Variants in WDR33 observed in about 807,000 individuals in gnomAD.
WDR33 encodes the protein WD repeat domain 33.
A neutral mutation model predicts 164.9 loss-of-function variants in WDR33; 47 were observed. The ratio of observed to expected loss-of-function variants is 0.29; its 90% CI spans 0.23 to 0.36. The LOEUF (loss-of-function observed/expected upper bound fraction) is 0.36, where lower values mean the gene tolerates loss of function less well. Among genes scored for constraint, WDR33 ranks in the 10% least tolerant of loss-of-function variants. The pLI is 1.00. For synonymous variants in WDR33, 505 were observed against 589.0 expected, an observed-to-expected ratio of 0.86 and a Z score of 2.06; for missense variants, 1,137 against 1,754.1, an observed-to-expected ratio of 0.65 and a Z score of 6.28.
intron 7 of WDR33, among the ~76,000 whole-genome samples, chr2:127,739,389 C>T (rs184301922): frequency 1.1e-4 from 17 of 152,238 alleles, no homozygotes; most frequent in Middle Eastern, 3.4e-3. Context: ...GTAGCTTTGT[C>T]CAATAAAAGC....
rs953075967 is a variant in WDR33, at chr2:127,759,968, T to C, written c.724+3094A>G. On this transcript the variant is annotated intron_variant, in intron 7 of 21. Coordinates refer to ENST00000322313, the MANE Select transcript of WDR33 (RefSeq NM_018383.5). ...GTATGCTTAAAGCTGAAAAACTCAG[T>C]CAAGAAGACCCAACAGCTGTCTCTT... 2.0e-5 allele frequency among the ~76,000 whole-genome samples: 3 copies of C among 152,130 alleles called. 1 individual carries two copies. Among genetic ancestry groups the C allele is most frequent in the South Asian group, 4.1e-4 (2 of 4,834 alleles).
chr2:127,736,453 A>G, intron 7 of WDR33: 1 of 985,470 alleles, frequency 1.0e-6, no homozygotes, highest in Non-Finnish European at 1.2e-6. Flanking sequence ...TTTGAAATGT[A>G]TAGTGTCAGG....
At chr2:127,762,484 A>C (rs1474317822) in intron 7 of WDR33, 26 of 980,458 alleles carry the variant, frequency 2.7e-5, no homozygotes, top group Non-Finnish European at 2.9e-5. Context: ...GAGAATATGG[A>C]CTTCAGTTAC....
In WDR33 at chr2:127,706,216, GAGT is replaced by G; in HGVS notation, c.*104_*106del. On this transcript the variant is annotated 3_prime_UTR_variant, in exon 22 of 22. Coordinates refer to ENST00000322313, the MANE Select transcript of WDR33 (RefSeq NM_018383.5). This position sits in a 1 kb window ranked among gnomAD's most constrained non-coding sequence, Gnocchi z 5.1. ...TCCTGGGATTCAGGTGCCCAGAAAA[GAGT>G]TCAGGGCTACAATGGTGCAGGCTTC... 9.6e-7 allele frequency: 1 copy of G among 1,037,528 alleles called. No individual in the cohort carries two copies. Among genetic ancestry groups the G allele is most frequent in the Non-Finnish European group, 1.3e-6 (1 of 751,008 alleles). The allele number at this position is 1,037,528 out of a possible 1,614,324, so 64.3% of individuals were successfully genotyped here. A position where few individuals can be genotyped will look rare whatever the true frequency, so the allele number is the denominator to read the frequency against.
chr2:127,709,164 G>T lies in WDR33; in HGVS notation c.3566-272C>A, dbSNP rs893944634. Among the ~76,000 whole-genome samples the T allele has an allele frequency of 1.3e-5, 2 of 152,222 alleles. No individual in the cohort carries two copies. The highest frequency in any genetic ancestry group is 2.9e-5 in the Non-Finnish European group (2 of 68,034). On this transcript the variant is annotated intron_variant, in intron 20 of 21. Transcript: ENST00000322313. This position sits in a 1 kb window ranked among gnomAD's most constrained non-coding sequence, Gnocchi z 5.0. Reference sequence around the variant, plus strand: ...AGGACTCCTAAGAGATTTTGTTAATGAGAGTTGTAACTGCGAATATTTACC... The same window carrying T: ...AGGACTCCTAAGAGATTTTGTTAATTAGAGTTGTAACTGCGAATATTTACC...
chr2:127,749,284 T>A (rs1319929587), intron 7 of WDR33, among the ~76,000 whole-genome samples: 1 of 152,208 alleles, frequency 6.6e-6, no homozygotes, highest in African/African-American at 2.4e-5. Context: ...CAGTGAGTTG[T>A]GATCGTGCCA....
In WDR33 at chr2:127,764,183, T is replaced by G. The variant is rs1047649067; in HGVS notation, c.626+645A>C. ...ACAACTCACTGAAAATATTTTAAAC[T>G]CCACTTATTGTATACATTTGCATAA... is the stretch of plus-strand genomic sequence containing the variant. On this transcript the variant is annotated intron_variant, in intron 6 of 21. Transcript: ENST00000322313. The surrounding 1 kb of genome is among the most constrained non-coding windows in gnomAD (Gnocchi z 6.2). 24 of 1,028,756 alleles carry G rather than the reference T, an allele frequency of 2.3e-5. No homozygotes were observed. The highest frequency in any genetic ancestry group is 2.8e-5 in the Non-Finnish European group (24 of 858,778). 63.7% of individuals were successfully genotyped at this position (1,028,756 alleles called of 1,614,324 possible).
chr2:127,763,222 T>G lies in WDR33; in HGVS notation c.627-63A>C. ...GCATTTAACAGATAATCTGTGCTTC[T>G]CAGACAGGGAAAAATAAAAACACTG... On this transcript the variant is annotated intron_variant, in intron 6 of 21. Coordinates refer to ENST00000322313, the MANE Select transcript of WDR33 (RefSeq NM_018383.5). This position sits in a 1 kb window ranked among gnomAD's most constrained non-coding sequence, Gnocchi z 4.5. 6.2e-7 allele frequency: 1 copy of G among 1,611,274 alleles called. No homozygotes were observed. Among genetic ancestry groups the G allele is most frequent in the Admixed American group, 1.7e-5 (1 of 59,788 alleles).
Position 127,706,492 on chromosome 2 carries a change from T to TTC in WDR33, c.3841_3842insGA (p.Asp1281GlyfsTer40). ...GTGGTATCCATCGTGGTGCTCTCCGTCTAAGGAGCTGGAACGCCCAGATTT... is the reference window on the plus strand; with the variant it reads ...GTGGTATCCATCGTGGTGCTCTCCGTTCCTAAGGAGCTGGAACGCCCAGATTT... On this transcript the variant is annotated frameshift_variant, in exon 22 of 22. Coordinates refer to ENST00000322313, the MANE Select transcript of WDR33 (RefSeq NM_018383.5). LOFTEE classifies it high-confidence loss of function. The surrounding 1 kb of genome is among the most constrained non-coding windows in gnomAD (Gnocchi z 5.1). The TTC allele has an allele frequency of 6.2e-7, 1 of 1,613,222 alleles. No homozygotes were observed. Among genetic ancestry groups the TTC allele is most frequent in the Non-Finnish European group, 8.5e-7 (1 of 1,179,616 alleles).
chr2:127,724,793 G>C lies in WDR33; in HGVS notation c.1085+94C>G. 2 of 1,373,424 alleles carry C rather than the reference G, an allele frequency of 1.5e-6. No individual in the cohort carries two copies. Among genetic ancestry groups the C allele is most frequent in the South Asian group, 2.4e-5 (2 of 84,614 alleles). 85.1% of individuals were successfully genotyped at this position (1,373,424 alleles called of 1,614,324 possible). ...AAGCAGTCTCTGATATAGGATATAT[G>C]AACACTTAGAAAAGCTACAAAACTA... On this transcript the variant is annotated intron_variant, in intron 10 of 21. Transcript: ENST00000322313. This position sits in a 1 kb window ranked among gnomAD's most constrained non-coding sequence, Gnocchi z 4.8.
intron 7 of WDR33, among the ~76,000 whole-genome samples, chr2:127,743,632 G>A (rs150717953): frequency 3.3e-4 from 50 of 152,258 alleles, no homozygotes; most frequent in Non-Finnish European, 5.1e-4. Context: ...GAAGACAAAC[G>A]GCAGAAGTGG....
chr2:127,737,364 T>C (rs1686876328), intron 7 of WDR33: 3 of 985,222 alleles, frequency 3.0e-6, no homozygotes, highest in East Asian at 1.1e-4. Flanking sequence ...TGTGTACATA[T>C]GTGTGTGTGT....
At position 127,709,930 on chromosome 2, in the gene WDR33, A is replaced by G; in HGVS notation, c.3309-74T>C. The G allele has an allele frequency of 6.5e-7, 1 of 1,528,918 alleles. No individual in the cohort carries two copies. Among genetic ancestry groups the G allele is most frequent in the Non-Finnish European group, 8.9e-7 (1 of 1,129,004 alleles). 94.7% of individuals were successfully genotyped at this position (1,528,918 alleles called of 1,614,324 possible). On this transcript the variant is annotated intron_variant, in intron 18 of 21. Transcript: ENST00000322313. This position sits in a 1 kb window ranked among gnomAD's most constrained non-coding sequence, Gnocchi z 5.0. ...CTCTAAGTTCATGTTTCAAAGAAGCATATGATATGAGAAAGCATGATACAA... is the reference window on the plus strand; with the variant it reads ...CTCTAAGTTCATGTTTCAAAGAAGCGTATGATATGAGAAAGCATGATACAA...
intron 7 of WDR33, among the ~76,000 whole-genome samples, chr2:127,742,871 A>C (rs985134851): frequency 1.3e-5 from 2 of 151,048 alleles, no homozygotes; most frequent in African/African-American, 4.9e-5. Flanking sequence ...AAAAAAAAAA[A>C]AACAAAAAAA....
At position 127,713,880 on chromosome 2, in the gene WDR33, C is replaced by T; in HGVS notation, c.3011G>A (p.Gly1004Asp). The change falls in exon 18 of 22, where the codon GGC becomes GAC. Residue 1004 changes from glycine (G) to aspartate (D), a missense_variant. Coordinates refer to ENST00000322313, the MANE Select transcript of WDR33 (RefSeq NM_018383.5). This position sits in a 1 kb window ranked among gnomAD's most constrained non-coding sequence, Gnocchi z 6.2. ...QDCRGPPDRR[G>D]PHPDFPDDFS... ...GTCATCGGGGAAGTCTGGGTGAGGG[C>T]CACGCCTATCAGGGGGACCCCTGCA... The T allele has an allele frequency of 1.2e-6, 2 of 1,614,196 alleles. No individual in the cohort carries two copies. Among genetic ancestry groups the T allele is most frequent in the Non-Finnish European group, 1.7e-6 (2 of 1,180,020 alleles).
chr2:127,782,936 C>T (rs1211828213), intron 1 of WDR33, among the ~76,000 whole-genome samples: 3 of 152,042 alleles, frequency 2.0e-5, no homozygotes, highest in Non-Finnish European at 4.4e-5. Flanking sequence ...AGGAAGCCGG[C>T]AGACAGAGCT....
At position 127,717,252 on chromosome 2, in the gene WDR33, G is replaced by T; in HGVS notation, c.2772C>A (p.Ser924Arg). 1 of 1,588,740 alleles carries T rather than the reference G, an allele frequency of 6.3e-7. No homozygotes were observed. Among genetic ancestry groups the T allele is most frequent in the Admixed American group, 1.9e-5 (1 of 53,896 alleles). ...PRAPFNQEGQSTGPPPLIPGL... is the reference protein window; with the variant it reads ...PRAPFNQEGQRTGPPPLIPGL... ...CTGGTATCAGGGGTGGGGGGCCTGTGCTCTGTCCTTCCTGAAAATATGTTT... is the reference window on the plus strand; with the variant it reads ...CTGGTATCAGGGGTGGGGGGCCTGTTCTCTGTCCTTCCTGAAAATATGTTT... The change falls in exon 17 of 22, where the codon AGC becomes AGA. Residue 924 changes from serine to arginine, a missense_variant. Physicochemically the swap from Ser to Arg is moderately radical, Grantham distance 110. Coordinates refer to ENST00000322313, the MANE Select transcript of WDR33 (RefSeq NM_018383.5). The surrounding 1 kb of genome is among the most constrained non-coding windows in gnomAD (Gnocchi z 5.6).
rs2286687 is a variant in WDR33, at chr2:127,811,039, T to C, written c.-51A>G. 2,542 of 152,840 alleles carry C rather than the reference T, an allele frequency of 0.017. 21 individuals are homozygous for C. Among genetic ancestry groups the C allele is most frequent in the East Asian group, 0.03 (154 of 5,194 alleles). The allele number at this position is 152,840 out of a possible 1,614,324, so 9.5% of individuals were successfully genotyped here. On this transcript the variant is annotated 5_prime_UTR_variant, in exon 1 of 22. Coordinates refer to ENST00000322313, the MANE Select transcript of WDR33 (RefSeq NM_018383.5). This position sits in a 1 kb window ranked among gnomAD's most constrained non-coding sequence, Gnocchi z 4.1. ...TCTGGCTTTGAGCAGAGCTCCTAAA[T>C]GGCCAGCGAAGCGTTCGCCTTCAGA...
chr2:127,711,960 G>A (rs1258684191), intron 18 of WDR33, among the ~76,000 whole-genome samples: 2 of 150,172 alleles, frequency 1.3e-5, no homozygotes, highest in Admixed American at 1.3e-4. Flanking sequence ...CTTTAGTAGA[G>A]ACAGGGTTTC....
Sources: gnomAD v4.1 joint callset for allele counts (sites outside exome capture counted in the v4.1 genomes callset) on GRCh38, gnomAD v4.1.1 for gene constraint, Gnocchi (gnomAD v3.1) non-coding constraint, MANE v1.5 for transcripts, NCBI Gene and HGNC (gene_info 2026-07-23, HGNC 2026-07-21) for gene names.